CADM2: variants seen among roughly 807,000 people sequenced by gnomAD.
CADM2 encodes immunoglobulin superfamily member 4D.
A neutral mutation model predicts 49.8 loss-of-function variants in CADM2; 12 were observed. The ratio of observed to expected loss-of-function variants is 0.24; its 90% confidence interval spans 0.15 to 0.39. The LOEUF (loss-of-function observed/expected upper bound fraction) is 0.39. Ranked by LOEUF, CADM2 falls within the 10% of genes least tolerant of loss-of-function variation. The probability of loss-of-function intolerance (pLI) is 1.00; values close to 1 mark genes in which losing one functional copy is unlikely to be tolerated. For missense variants in CADM2, 378 were observed against 492.3 expected (o/e 0.77, Z 2.20); for synonymous variants, 214 against 175.4 (o/e 1.22, Z -1.74).
At chr3:85,839,246 A>G (rs747920243) in intron 3 of CADM2, among the ~76,000 whole-genome samples, 4 of 151,764 alleles carry the variant, frequency 2.6e-5, no homozygotes, top group African/African-American at 7.2e-5. Flanking sequence ...CCCTTGCTTT[A>G]CTGGCAAGGT....
chr3:85,136,526 G>C (rs1269189420), intron 1 of CADM2, among the ~76,000 whole-genome samples: 2 of 151,886 alleles, frequency 1.3e-5, no homozygotes, highest in African/African-American at 2.4e-5. Flanking sequence ...ATTTAAAACA[G>C]TGCTTCCAAA....
At chr3:85,751,942 G>A (rs1312634188) in intron 2 of CADM2, among the ~76,000 whole-genome samples, 1 of 152,044 alleles carries the variant, frequency 6.6e-6, no homozygotes, top group Non-Finnish European at 1.5e-5. Flanking sequence ...AATACCTATG[G>A]TAATTTTTCT....
At chr3:85,559,155 T>A (rs1350422425) in intron 1 of CADM2, among the ~76,000 whole-genome samples, 1 of 152,086 alleles carries the variant, frequency 6.6e-6, no homozygotes, top group African/African-American at 2.4e-5. Context: ...TGTTATCTTG[T>A]GATATACTAT....
intron 1 of CADM2, among the ~76,000 whole-genome samples, chr3:85,671,317 G>A (rs2065728155): frequency 6.6e-6 from 1 of 152,134 alleles, no homozygotes; most frequent in South Asian, 2.1e-4. Flanking sequence ...TCCTGGAATG[G>A]GGGTGGAGGA....
intron 2 of CADM2, among the ~76,000 whole-genome samples, chr3:85,749,249 T>TTACTAATTACTTAGTAATTAGTAA (rs2068759830): frequency 1.3e-5 from 2 of 152,082 alleles, no homozygotes; most frequent in South Asian, 4.1e-4. Flanking sequence ...TTGTTACTAA[T>TTACTAATTACTTAGTAATTAGTAA]TACTAATTAC....
chr3:84,989,635 T>A (rs1476540509), intron 1 of CADM2, among the ~76,000 whole-genome samples: 2 of 152,086 alleles, frequency 1.3e-5, no homozygotes, highest in African/African-American at 4.8e-5. Flanking sequence ...CAAATTTTAG[T>A]CAGAATTAAA....
chr3:85,620,369 C>T (rs373821623), intron 1 of CADM2, among the ~76,000 whole-genome samples: 1 of 151,972 alleles, frequency 6.6e-6, no homozygotes, highest in African/African-American at 2.4e-5. Context: ...CCAATAAACA[C>T]ACATACACAC....
At chr3:86,002,202 A>G (rs183860357) in intron 8 of CADM2, among the ~76,000 whole-genome samples, 42 of 152,264 alleles carry the variant, frequency 2.8e-4, no homozygotes, top group Non-Finnish European at 4.6e-4. Flanking sequence ...GTATTTTATC[A>G]AGCCTGCATT....
At chr3:85,380,805 TA>T (rs1278836404) in intron 1 of CADM2, among the ~76,000 whole-genome samples, 1 of 151,988 alleles carries the variant, frequency 6.6e-6, no homozygotes, top group African/African-American at 2.4e-5. Context: ...ATATAATTAC[TA>T]AGATCACAGT....
At chr3:85,259,700 C>T (rs1459440084) in intron 1 of CADM2, among the ~76,000 whole-genome samples, 1 of 152,192 alleles carries the variant, frequency 6.6e-6, no homozygotes, top group East Asian at 1.9e-4. Context: ...TCACTCAAAC[C>T]AAAGGAGCAC....
chr3:85,771,983 G>A (rs1291384405), intron 2 of CADM2, among the ~76,000 whole-genome samples: 2 of 146,188 alleles, frequency 1.4e-5, no homozygotes, highest in Non-Finnish European at 3.0e-5. Flanking sequence ...ACAAGCTGCT[G>A]TAGTATTGTA....
intron 1 of CADM2, among the ~76,000 whole-genome samples, chr3:85,001,633 A>G (rs2033468539): frequency 1.3e-5 from 2 of 152,112 alleles, no homozygotes; most frequent in South Asian, 4.1e-4. Context: ...TATTTATCTT[A>G]TAGAAACGTT....
intron 1 of CADM2, among the ~76,000 whole-genome samples, chr3:85,627,942 T>G (rs2107511184): frequency 6.6e-6 from 1 of 152,186 alleles, no homozygotes; most frequent in Non-Finnish European, 1.5e-5. Flanking sequence ...ATTCCTCGGA[T>G]TTCCACATCC....
intron 1 of CADM2, among the ~76,000 whole-genome samples, chr3:85,051,038 C>A (rs1445303667): frequency 6.6e-6 from 1 of 152,194 alleles, no homozygotes; most frequent in Admixed American, 6.6e-5. Flanking sequence ...GCAAAAAAGG[C>A]TCGAGGCCTT....
chr3:85,953,774 T>G (rs1219751030), intron 7 of CADM2, among the ~76,000 whole-genome samples: 1 of 150,048 alleles, frequency 6.7e-6, no homozygotes, highest in Non-Finnish European at 1.5e-5. Context: ...GATAATTATT[T>G]GATAATTTCA....
At chr3:86,008,374 C>T (rs552521813) in intron 8 of CADM2, among the ~76,000 whole-genome samples, 1 of 152,050 alleles carries the variant, frequency 6.6e-6, no homozygotes, top group African/African-American at 2.4e-5. Context: ...ACTATTATAA[C>T]CATCTGATTG....
intron 1 of CADM2, among the ~76,000 whole-genome samples, chr3:85,133,623 G>C (rs1167647996): frequency 2.0e-5 from 3 of 150,956 alleles, no homozygotes; most frequent in African/African-American, 7.3e-5. Context: ...AGAGTAGCTA[G>C]ATACAGAGTG....
chr3:85,952,430 C>T (rs116756141), intron 7 of CADM2, among the ~76,000 whole-genome samples: 88 of 150,980 alleles, frequency 5.8e-4, no homozygotes, highest in Non-Finnish European at 1.1e-3. Flanking sequence ...TCCAGTTCTG[C>T]CCTCTTCCCT....
intron 1 of CADM2, among the ~76,000 whole-genome samples, chr3:85,689,675 T>C (rs989300895): frequency 2.0e-5 from 3 of 152,180 alleles, no homozygotes; most frequent in Admixed American, 6.5e-5. Flanking sequence ...AGCTGTTCTT[T>C]AGGAATTTCT....
Sources: gnomAD v4.1 joint callset for allele counts (sites outside exome capture counted in the v4.1 genomes callset) on GRCh38, gnomAD v4.1.1 for gene constraint, MANE v1.5 for transcripts, NCBI Gene and HGNC (gene_info 2026-07-23, HGNC 2026-07-21) for gene names.